The following COMMD10 variants were observed in gnomAD, a reference collection of about 807,000 sequenced individuals.
COMMD10 encodes COMM domain containing 10.
Under a neutral mutation model 28.9 loss-of-function variants are expected in COMMD10, and 33 were observed. The observed-to-expected ratio is 1.14, with a 90% CI of 0.87 to 1.53. COMMD10 has a LOEUF of 1.53. Ranked by LOEUF, COMMD10 falls within the 40% of genes most tolerant of loss-of-function variation. COMMD10 has a pLI of 0.00. For synonymous variants in COMMD10, 110 were observed against 81.7 expected (o/e 1.35, Z -1.87); for missense variants, 310 against 233.4 (o/e 1.33, Z -2.14).
At chr5:116,100,813 C>T (rs766653953) in intron 4 of COMMD10, among the ~76,000 whole-genome samples, 6 of 152,068 alleles carry the variant, frequency 3.9e-5, no homozygotes, top group Non-Finnish European at 8.8e-5. Context: ...TGGTGTACAA[C>T]TGAAATTTTG....
At chr5:116,254,923 G>T (rs1293030817) in intron 5 of COMMD10, among the ~76,000 whole-genome samples, 1 of 151,384 alleles carries the variant, frequency 6.6e-6, no homozygotes, top group African/African-American at 2.4e-5. Context: ...TTATTAATGT[G>T]TGGGAGTCTA....
chr5:116,236,331 C>G (rs1371707211), intron 5 of COMMD10, among the ~76,000 whole-genome samples: 2 of 151,950 alleles, frequency 1.3e-5, no homozygotes, highest in Non-Finnish European at 2.9e-5. Flanking sequence ...TGGTGAAACT[C>G]TGTCTCTACT....
chr5:116,212,496 C>G (rs1337179806), intron 5 of COMMD10, among the ~76,000 whole-genome samples: 1 of 63,864 alleles, frequency 1.6e-5, no homozygotes. Context: ...TACTGAAATG[C>G]TGTGTGTGTG....
At chr5:116,199,136 C>G (rs1410111102) in intron 5 of COMMD10, among the ~76,000 whole-genome samples, 1 of 152,024 alleles carries the variant, frequency 6.6e-6, no homozygotes, top group Non-Finnish European at 1.5e-5. Flanking sequence ...TGTCAGTGTT[C>G]TAGATTTTGG....
chr5:116,192,501 C>T (rs62384215), intron 5 of COMMD10, among the ~76,000 whole-genome samples: 1 of 151,962 alleles, frequency 6.6e-6, no homozygotes, highest in East Asian at 1.9e-4. Context: ...AAACTTTGGA[C>T]AAACTTATAG....
At chr5:116,118,241 A>T (rs1580459163) in intron 4 of COMMD10, among the ~76,000 whole-genome samples, 1 of 151,676 alleles carries the variant, frequency 6.6e-6, no homozygotes, top group African/African-American at 2.4e-5. Context: ...TTATTATCTT[A>T]TTTTTCTCCA....
At chr5:116,107,590 T>G (rs150264399) in intron 4 of COMMD10, among the ~76,000 whole-genome samples, 2,956 of 152,316 alleles carry the variant, frequency 0.019, 87 homozygotes, top group African/African-American at 0.062. Context: ...TACCTTTTTT[T>G]CAAGGTTCTT....
intron 5 of COMMD10, among the ~76,000 whole-genome samples, chr5:116,199,921 T>C (rs1244270155): frequency 6.6e-6 from 1 of 152,144 alleles, no homozygotes; most frequent in Non-Finnish European, 1.5e-5. Flanking sequence ...GGGCACAGAA[T>C]TTTAGGTTGT....
At chr5:116,159,992 T>C (rs181333002) in intron 5 of COMMD10, among the ~76,000 whole-genome samples, 261 of 152,316 alleles carry the variant, frequency 1.7e-3, no homozygotes, top group African/African-American at 5.9e-3. Flanking sequence ...GGAATAGTTA[T>C]GGACCAGGAA....
chr5:116,134,720 C>G (rs1201384180), intron 5 of COMMD10, among the ~76,000 whole-genome samples: 2 of 152,102 alleles, frequency 1.3e-5, no homozygotes, highest in African/African-American at 4.8e-5. Context: ...CCCTGGGGTT[C>G]ACGCCATTCT....
chr5:116,230,116 A>G (rs949595155), intron 5 of COMMD10, among the ~76,000 whole-genome samples: 19 of 152,006 alleles, frequency 1.2e-4, no homozygotes, highest in African/African-American at 3.9e-4. Flanking sequence ...ATGTCTAGGT[A>G]TTCTGAATTA....
At chr5:116,122,589 G>A (rs1475136630) in intron 4 of COMMD10, among the ~76,000 whole-genome samples, 3 of 152,126 alleles carry the variant, frequency 2.0e-5, no homozygotes, top group Admixed American at 6.6e-5. Flanking sequence ...CCATTTTCAT[G>A]ATATTGATTT....
At chr5:116,102,163 G>A (rs1750686820) in intron 4 of COMMD10, among the ~76,000 whole-genome samples, 1 of 152,070 alleles carries the variant, frequency 6.6e-6, no homozygotes, top group African/African-American at 2.4e-5. Context: ...GTTTTCGCTA[G>A]GTTTCTTCTA....
intron 5 of COMMD10, among the ~76,000 whole-genome samples, chr5:116,203,674 A>T (rs941451881): frequency 1.2e-4 from 18 of 152,178 alleles, no homozygotes; most frequent in Non-Finnish European, 2.4e-4. Flanking sequence ...AAAATACTTT[A>T]CAGACAAGCA....
At chr5:116,184,142 A>G (rs1748064232) in intron 5 of COMMD10, among the ~76,000 whole-genome samples, 1 of 152,032 alleles carries the variant, frequency 6.6e-6, no homozygotes, top group Non-Finnish European at 1.5e-5. Context: ...TTTCTGGAAG[A>G]CCAATAGATG....
At chr5:116,281,503 A>G (rs1382098475) in intron 5 of COMMD10, among the ~76,000 whole-genome samples, 1 of 151,606 alleles carries the variant, frequency 6.6e-6, no homozygotes, top group Non-Finnish European at 1.5e-5. Context: ...TTGTTTTTAG[A>G]TTAGGTGCAG....
intron 5 of COMMD10, among the ~76,000 whole-genome samples, chr5:116,156,893 A>G (rs868846518): frequency 6.6e-6 from 1 of 151,960 alleles, no homozygotes; most frequent in Non-Finnish European, 1.5e-5. Context: ...TTTTTTCTAA[A>G]TTCTCCTTGT....
chr5:116,165,917 T>G (rs142443505), intron 5 of COMMD10, among the ~76,000 whole-genome samples: 1 of 152,296 alleles, frequency 6.6e-6, no homozygotes, highest in East Asian at 1.9e-4. Flanking sequence ...TAATACTTGA[T>G]TACCCTTTAT....
At position 116,268,152 on chromosome 5, in the gene COMMD10, A is replaced by G. The variant is rs1457643455; in HGVS notation, c.511-23365A>G. On this transcript the variant is annotated intron_variant, in intron 5 of 6. Transcript: ENST00000274458. ...CACAGCAAAAGAAACTACCATTAGA[A>G]TGAACAGGCAACCTACAGAATGGAA... Among the ~76,000 whole-genome samples the G allele has an allele frequency of 5.3e-5, 8 of 152,010 alleles. No homozygotes were observed. In the East Asian group the frequency reaches 1.5e-3, roughly 29 times the overall value.
Sources: allele counts gnomAD v4.1 joint callset (sites outside exome capture counted in the v4.1 genomes callset), GRCh38; gene constraint gnomAD v4.1.1; transcripts MANE v1.5; gene names NCBI Gene and HGNC (gene_info 2026-07-23, HGNC 2026-07-21).